Variants in CNTN4 observed in about 807,000 individuals in gnomAD.
The protein encoded by CNTN4 is contactin 4.
In CNTN4, 77 loss-of-function variants were observed where a neutral mutation model predicts 122.5. The observed-to-expected ratio is 0.63, with a 90% CI of 0.52 to 0.76. The LOEUF (loss-of-function observed/expected upper bound fraction) is 0.76, where lower values mean the gene tolerates loss of function less well. Among genes scored for constraint, CNTN4 ranks in the 30% least tolerant of loss-of-function variants. The pLI, the probability that CNTN4 is intolerant of heterozygous loss-of-function variation, is 0.00. For synonymous variants in CNTN4, 512 were observed against 447.0 expected, an observed-to-expected ratio of 1.15 and a Z score of -1.83; for missense variants, 1,256 against 1,259.1, an observed-to-expected ratio of 1.00 and a Z score of 0.04.
At chr3:2,690,869 C>T (rs2085699481) in intron 4 of CNTN4, among the ~76,000 whole-genome samples, 1 of 152,206 alleles carries the variant, frequency 6.6e-6, no homozygotes, top group African/African-American at 2.4e-5. Flanking sequence ...AGGCAACTTT[C>T]ATGCTATAGG....
intron 13 of CNTN4, among the ~76,000 whole-genome samples, chr3:2,987,011 G>A (rs1275335671): frequency 2.0e-5 from 3 of 152,172 alleles, no homozygotes; most frequent in Admixed American, 6.5e-5. Context: ...GAGAACCACC[G>A]TAAACAGTGA....
At chr3:2,213,142 G>A (rs924002027) in intron 2 of CNTN4, among the ~76,000 whole-genome samples, 4 of 152,174 alleles carry the variant, frequency 2.6e-5, no homozygotes, top group African/African-American at 9.7e-5. Context: ...GTATCAGAAA[G>A]GACACACTGA....
chr3:2,117,642 A>C (rs945377230), intron 2 of CNTN4, among the ~76,000 whole-genome samples: 1 of 152,240 alleles, frequency 6.6e-6, no homozygotes, highest in African/African-American at 2.4e-5. Context: ...GCTAATTAGC[A>C]TACAAAAGAT....
At chr3:2,820,797 G>C (rs929010634) in intron 7 of CNTN4, among the ~76,000 whole-genome samples, 1 of 151,392 alleles carries the variant, frequency 6.6e-6, no homozygotes, top group Non-Finnish European at 1.5e-5. Context: ...AGTATCACAG[G>C]ATCAGACCAA....
At chr3:2,532,584 C>T (rs1238887665) in intron 3 of CNTN4, among the ~76,000 whole-genome samples, 2 of 152,130 alleles carry the variant, frequency 1.3e-5, no homozygotes, top group Non-Finnish European at 2.9e-5. Flanking sequence ...AAAGCAACCA[C>T]TTTTTAAACT....
chr3:2,714,325 C>T (rs1364700664), intron 4 of CNTN4, among the ~76,000 whole-genome samples: 2 of 152,238 alleles, frequency 1.3e-5, no homozygotes, highest in East Asian at 3.9e-4. Flanking sequence ...TAAATTCAGA[C>T]ATGTATGATT....
intron 2 of CNTN4, among the ~76,000 whole-genome samples, chr3:2,258,275 T>C (rs1312217516): frequency 2.6e-5 from 4 of 152,190 alleles, no homozygotes; most frequent in African/African-American, 4.8e-5. Context: ...ATCATTCTAC[T>C]GTAAAGACAC....
chr3:2,684,023 G>T (rs2085304581), intron 4 of CNTN4, among the ~76,000 whole-genome samples: 1 of 152,134 alleles, frequency 6.6e-6, no homozygotes, highest in Non-Finnish European at 1.5e-5. Context: ...TACAGGCAGG[G>T]TTTAATCTGA....
intron 2 of CNTN4, among the ~76,000 whole-genome samples, chr3:2,223,912 T>C (rs556595746): frequency 6.6e-6 from 1 of 152,212 alleles, no homozygotes; most frequent in Non-Finnish European, 1.5e-5. Context: ...GAAGCTTATG[T>C]AGCGTCCTGA....
At chr3:2,409,910 G>A (rs1399678666) in intron 3 of CNTN4, among the ~76,000 whole-genome samples, 1 of 151,904 alleles carries the variant, frequency 6.6e-6, no homozygotes, top group Non-Finnish European at 1.5e-5. Flanking sequence ...ATATTTTCTG[G>A]TGAAAATAAT....
intron 4 of CNTN4, among the ~76,000 whole-genome samples, chr3:2,590,919 A>G (rs2080439765): frequency 6.6e-6 from 1 of 152,166 alleles, no homozygotes; most frequent in Non-Finnish European, 1.5e-5. Flanking sequence ...ATAAACTATA[A>G]AAATTAAGGT....
chr3:2,811,839 T>C (rs1005838332), intron 6 of CNTN4, among the ~76,000 whole-genome samples: 2 of 152,048 alleles, frequency 1.3e-5, no homozygotes, highest in East Asian at 1.9e-4. Context: ...CTAATTTTTG[T>C]ATTTTTAGTA....
At chr3:2,742,116 T>C (rs2089489200) in intron 5 of CNTN4, among the ~76,000 whole-genome samples, 1 of 152,158 alleles carries the variant, frequency 6.6e-6, no homozygotes, top group Non-Finnish European at 1.5e-5. Flanking sequence ...ACTTTTTCAG[T>C]CTTCAGGCTG....
chr3:2,631,687 G>A (rs1049557640), intron 4 of CNTN4, among the ~76,000 whole-genome samples: 3 of 151,466 alleles, frequency 2.0e-5, no homozygotes, highest in Middle Eastern at 3.4e-3. Flanking sequence ...CTTAGGTAAA[G>A]TAAAATTCAA....
At chr3:2,975,671 CA>C (rs1693352097) in intron 13 of CNTN4, among the ~76,000 whole-genome samples, 1 of 152,096 alleles carries the variant, frequency 6.6e-6, no homozygotes, top group South Asian at 2.1e-4. Flanking sequence ...GAGACAGCTG[CA>C]CTTTGTTATT....
At chr3:2,771,026 G>C (rs2091074264) in intron 6 of CNTN4, among the ~76,000 whole-genome samples, 2 of 152,210 alleles carry the variant, frequency 1.3e-5, no homozygotes, top group African/African-American at 4.8e-5. Context: ...GCATCCCTGA[G>C]TGGTCTGAAA....
At chr3:2,359,786 G>T (rs993959473) in intron 3 of CNTN4, among the ~76,000 whole-genome samples, 1 of 152,060 alleles carries the variant, frequency 6.6e-6, no homozygotes, top group Admixed American at 6.6e-5. Flanking sequence ...TGATCCACCC[G>T]CCTCGGCCTC....
intron 2 of CNTN4, among the ~76,000 whole-genome samples, chr3:2,122,436 C>T (rs2033864745): frequency 6.6e-6 from 1 of 152,134 alleles, no homozygotes; most frequent in Non-Finnish European, 1.5e-5. Context: ...TCTTAGATGT[C>T]AGTCTACATT....
intron 4 of CNTN4, among the ~76,000 whole-genome samples, chr3:2,616,043 G>A (rs1221690725): frequency 1.4e-5 from 2 of 141,568 alleles, no homozygotes; most frequent in Non-Finnish European, 3.0e-5. Context: ...TTAACATTAA[G>A]TTCCGGTATA....
Sources: gnomAD v4.1 joint callset for allele counts (sites outside exome capture counted in the v4.1 genomes callset) on GRCh38, gnomAD v4.1.1 for gene constraint, MANE v1.5 for transcripts, NCBI Gene and HGNC (gene_info 2026-07-23, HGNC 2026-07-21) for gene names.